The following UBE2L3 variants were observed in gnomAD, a reference collection of about 807,000 sequenced individuals.
UBE2L3 encodes the protein ubiquitin conjugating enzyme E2 L3.
In UBE2L3, 1 loss-of-function variant was observed where a neutral mutation model predicts 17.8. The observed-to-expected ratio is 0.06, with a 90% CI of 0.02 to 0.27. The LOEUF (loss-of-function observed/expected upper bound fraction) is 0.27. Among genes scored for constraint, UBE2L3 ranks in the 10% least tolerant of loss-of-function variants. UBE2L3 has a pLI of 1.00. For synonymous variants in UBE2L3, 44 were observed against 68.5 expected, an observed-to-expected ratio of 0.64 and a Z score of 1.76; for missense variants, 40 against 192.6, an observed-to-expected ratio of 0.21 and a Z score of 4.69.
At chr22:21,558,629 C>CA (rs131645) in intron 1 of UBE2L3, among the ~76,000 whole-genome samples, 4,618 of 74,014 alleles carry the variant, frequency 0.062, 14 homozygotes, top group Non-Finnish European at 0.1. Context: ...GACTCTGTCT[C>CA]AAAAAAAAAA....
chr22:21,579,387 C>CT (rs1224523440), intron 1 of UBE2L3, among the ~76,000 whole-genome samples: 1 of 152,140 alleles, frequency 6.6e-6, no homozygotes, highest in Non-Finnish European at 1.5e-5. Context: ...GTCCTGCCCC[C>CT]TTAGCTAAAT....
At chr22:21,605,776 G>T (rs1392101438) in intron 2 of UBE2L3, among the ~76,000 whole-genome samples, 1 of 152,230 alleles carries the variant, frequency 6.6e-6, no homozygotes, top group Admixed American at 6.5e-5. Context: ...AAAGTGTTGG[G>T]ATTACAGGCA....
upstream of UBE2L3, among the ~76,000 whole-genome samples, chr22:21,564,381 T>G (rs1157527689): frequency 6.6e-6 from 1 of 152,088 alleles, no homozygotes; most frequent in Non-Finnish European, 1.5e-5. Context: ...TAGGTCTGTA[T>G]GAACAAGGTT....
At chr22:21,574,161 C>T (rs1469688577) in intron 1 of UBE2L3, among the ~76,000 whole-genome samples, 1 of 152,156 alleles carries the variant, frequency 6.6e-6, no homozygotes, top group Non-Finnish European at 1.5e-5. Flanking sequence ...TAAGCCTAAC[C>T]TCCCCAAGCC....
intron 1 of UBE2L3, among the ~76,000 whole-genome samples, chr22:21,586,638 G>A (rs1927952125): frequency 6.6e-6 from 1 of 150,808 alleles, no homozygotes; most frequent in African/African-American, 2.4e-5. Context: ...TGTGATTGCA[G>A]CTTACCACAA....
chr22:21,565,440 A>G (rs939942474), upstream of UBE2L3, among the ~76,000 whole-genome samples: 3 of 151,836 alleles, frequency 2.0e-5, no homozygotes, highest in African/African-American at 7.2e-5. Context: ...TTTCAGGAGA[A>G]ACCCACTGTT....
At chr22:21,564,214 T>C (rs567234678), upstream of UBE2L3, among the ~76,000 whole-genome samples, 1 of 152,018 alleles carries the variant, frequency 6.6e-6, no homozygotes, top group East Asian at 1.9e-4. Flanking sequence ...TTTTATTTTT[T>C]GTTGAGACGG....
At chr22:21,563,888 A>G (rs1926541530), upstream of UBE2L3, among the ~76,000 whole-genome samples, 1 of 151,602 alleles carries the variant, frequency 6.6e-6, no homozygotes, top group Non-Finnish European at 1.5e-5. Flanking sequence ...TTATTTTTGT[A>G]GATATGGTAG....
chr22:21,564,875 C>T (rs1926574080), upstream of UBE2L3, among the ~76,000 whole-genome samples: 1 of 152,146 alleles, frequency 6.6e-6, no homozygotes, highest in African/African-American at 2.4e-5. Flanking sequence ...CAGTCCCAGA[C>T]TTCTAAGTCC....
At chr22:21,594,400 T>C (rs1928416485) in intron 2 of UBE2L3, among the ~76,000 whole-genome samples, 1 of 152,220 alleles carries the variant, frequency 6.6e-6, no homozygotes, top group Non-Finnish European at 1.5e-5. Flanking sequence ...AAGGTGAGCA[T>C]GGAGCATGCT....
intron 2 of UBE2L3, among the ~76,000 whole-genome samples, chr22:21,607,493 C>T (rs908678162): frequency 3.7e-5 from 5 of 134,942 alleles, no homozygotes; most frequent in Admixed American, 8.5e-5. Context: ...CCAGCCTGGG[C>T]GACAGAGCGA....
chr22:21,588,507 T>G (rs1213932535), intron 1 of UBE2L3, among the ~76,000 whole-genome samples: 1 of 149,250 alleles, frequency 6.7e-6, no homozygotes, highest in Non-Finnish European at 1.5e-5. Flanking sequence ...TCACTCTAGT[T>G]GCCCTGGCTG....
intron 1 of UBE2L3, among the ~76,000 whole-genome samples, chr22:21,561,055 G>GGAAA (rs1385143847): frequency 6.6e-6 from 1 of 152,208 alleles, no homozygotes; most frequent in Non-Finnish European, 1.5e-5. Context: ...GAGGGAGAAA[G>GGAAA]GAAAGAAAGA....
In UBE2L3 at chr22:21,610,391, A is replaced by T. The variant is rs372089194; in HGVS notation, c.124-466A>T. On this transcript the variant is annotated intron_variant, in intron 2 of 3. Transcript: ENST00000342192. Reference sequence around the variant, plus strand: ...TCTGATAACCACACAAAACCTATAGAATGTGCAACACCAAGTATGAGCCCT... The same window carrying T: ...TCTGATAACCACACAAAACCTATAGTATGTGCAACACCAAGTATGAGCCCT... Among the ~76,000 whole-genome samples, 21 of 152,350 alleles carry T rather than the reference A, an allele frequency of 1.4e-4. No individual in the cohort carries two copies. In the East Asian group the frequency reaches 1.5e-3, roughly 11 times the overall value.
At chr22:21,620,296 T>C (rs750141074) in intron 3 of UBE2L3, among the ~76,000 whole-genome samples, 1 of 151,952 alleles carries the variant, frequency 6.6e-6, no homozygotes, top group African/African-American at 2.4e-5. Context: ...CGTGATGGCA[T>C]GTGCTTGTAG....
At chr22:21,587,323 C>T (rs192563095) in intron 1 of UBE2L3, among the ~76,000 whole-genome samples, 24 of 152,016 alleles carry the variant, frequency 1.6e-4, no homozygotes, top group East Asian at 1.2e-3. Context: ...CCCGAGTAGC[C>T]GGGACTACAG....
chr22:21,566,826 C>T (rs1926657167), upstream of UBE2L3, among the ~76,000 whole-genome samples: 1 of 152,104 alleles, frequency 6.6e-6, no homozygotes, highest in Admixed American at 6.6e-5. Context: ...CCAGCTGTTC[C>T]TTCCCATTTT....
At chr22:21,585,825 T>G (rs901481410) in intron 1 of UBE2L3, among the ~76,000 whole-genome samples, 1 of 152,172 alleles carries the variant, frequency 6.6e-6, no homozygotes, top group African/African-American at 2.4e-5. Flanking sequence ...ACCAAGAGCT[T>G]TAGTTGGAAT....
intron 1 of UBE2L3, among the ~76,000 whole-genome samples, chr22:21,576,935 C>G (rs1927337694): frequency 6.6e-6 from 1 of 150,536 alleles, no homozygotes; most frequent in African/African-American, 2.5e-5. Flanking sequence ...TCCTGAGTAG[C>G]TGGAATTACA....
Sources: gnomAD v4.1 joint callset for allele counts (sites outside exome capture counted in the v4.1 genomes callset) on GRCh38, gnomAD v4.1.1 for gene constraint, MANE v1.5 for transcripts, NCBI Gene and HGNC (gene_info 2026-07-23, HGNC 2026-07-21) for gene names.